SMARCAD1: variants seen among roughly 807,000 people sequenced by gnomAD.
SMARCAD1 encodes SWI/SNF-related matrix-associated actin-dependent regulator of chromatin subfamily A containing DEAD/H box 1.
In SMARCAD1, 25 loss-of-function variants were observed where a neutral mutation model predicts 127.1. The ratio of observed to expected loss-of-function variants is 0.20; its 90% CI spans 0.14 to 0.27. The LOEUF (loss-of-function observed/expected upper bound fraction) is 0.27, where lower values mean the gene tolerates loss of function less well. SMARCAD1 is among the 10% of genes least tolerant of loss of function. SMARCAD1 has a pLI of 1.00. For synonymous variants in SMARCAD1, 400 were observed against 396.9 expected, an observed-to-expected ratio of 1.01 and a Z score of -0.09; for missense variants, 807 against 1,206.0, an observed-to-expected ratio of 0.67 and a Z score of 4.90.
chr4:94,218,037 T>A (rs9999328), intron 2 of SMARCAD1, among the ~76,000 whole-genome samples: 4 of 152,066 alleles, frequency 2.6e-5, no homozygotes, highest in Admixed American at 1.3e-4. Context: ...ATTTTTGTGC[T>A]CTTGCTTTAT....
At chr4:94,268,669 T>C (rs2125968700) in intron 10 of SMARCAD1, among the ~76,000 whole-genome samples, 1 of 152,342 alleles carries the variant, frequency 6.6e-6, no homozygotes, top group Middle Eastern at 3.4e-3. Flanking sequence ...GACACTACCA[T>C]TGCAGATACA....
At chr4:94,210,929 CAAAAA>C (rs747690168) in intron 2 of SMARCAD1, among the ~76,000 whole-genome samples, 6 of 57,048 alleles carry the variant, frequency 1.1e-4, no homozygotes, top group African/African-American at 1.7e-4. Flanking sequence ...GACTGTATCT[CAAAAA>C]AAAAAAAAAA....
At chr4:94,263,402 G>A (rs551308404) in intron 9 of SMARCAD1, among the ~76,000 whole-genome samples, 2 of 152,172 alleles carry the variant, frequency 1.3e-5, no homozygotes, top group South Asian at 4.1e-4. Context: ...AAAGCACAAA[G>A]TAGGGGGAGT....
At chr4:94,271,477 T>G (rs1414097082) in intron 11 of SMARCAD1, among the ~76,000 whole-genome samples, 1 of 152,150 alleles carries the variant, frequency 6.6e-6, no homozygotes, top group Non-Finnish European at 1.5e-5. Context: ...TTAAAATGAG[T>G]CATGTTCAGC....
rs1239293693 is a variant in SMARCAD1, at chr4:94,226,112, C to T, written c.191-7C>T. 6.2e-7 allele frequency: 1 copy of T among 1,605,706 alleles called. No individual in the cohort carries two copies. The highest frequency in any genetic ancestry group is 8.5e-7 in the Non-Finnish European group (1 of 1,173,522). The stretch of plus-strand genomic sequence containing the variant: ...AAAATATTTTTCTCCTTTTTATTCT[C>T]TTGCAGAAGATTCTAGTGTTCCAGA... On this transcript the variant is annotated splice_region_variant and splice_polypyrimidine_tract_variant and intron_variant, in intron 2 of 23. Coordinates refer to ENST00000354268, the MANE Select transcript of SMARCAD1 (RefSeq NM_020159.5).
intron 2 of SMARCAD1, among the ~76,000 whole-genome samples, chr4:94,222,105 G>GTACCCCTCC (rs1425872732): frequency 1.3e-5 from 2 of 152,122 alleles, no homozygotes; most frequent in Non-Finnish European, 2.9e-5. Flanking sequence ...TACGGAGAGG[G>GTACCCCTCC]TACCCCTCCC....
chr4:94,257,847 A>G (rs1750352105), intron 9 of SMARCAD1, among the ~76,000 whole-genome samples: 1 of 152,072 alleles, frequency 6.6e-6, no homozygotes, highest in Admixed American at 6.5e-5. Flanking sequence ...TATCAACTTA[A>G]TATTATAGAC....
chr4:94,221,901 A>G, intron 2 of SMARCAD1, among the ~76,000 whole-genome samples: 1 of 152,204 alleles, frequency 6.6e-6, no homozygotes. Flanking sequence ...ACAAAGAGCA[A>G]TAAATTTGAG....
rs537421520 is a variant in SMARCAD1 at position 94,270,389 on chromosome 4, A to G, written c.1482-339A>G. Among the ~76,000 whole-genome samples, 85 of 152,276 alleles carry G rather than the reference A, an allele frequency of 5.6e-4. 1 individual carries two copies. The highest frequency in any genetic ancestry group is 1.5e-5 in the Non-Finnish European group (1 of 68,006). On this transcript the variant is annotated intron_variant, in intron 10 of 23. Coordinates refer to ENST00000354268, the MANE Select transcript of SMARCAD1 (RefSeq NM_020159.5). ...AATGTGCTAAAAATCAAATCAACAC[A>G]ATTCAATTTTCTATTATAGATACTA... is the stretch of plus-strand genomic sequence containing the variant.
chr4:94,230,230 A>G (rs376546580), intron 3 of SMARCAD1, among the ~76,000 whole-genome samples: 1 of 151,942 alleles, frequency 6.6e-6, no homozygotes, highest in East Asian at 1.9e-4. Context: ...TCCCTTCTCC[A>G]TTCAAACCTT....
chr4:94,241,015 A>G lies in SMARCAD1; in HGVS notation c.705+9A>G, dbSNP rs767562241. 2.5e-6 allele frequency: 4 copies of G among 1,589,218 alleles called. No individual in the cohort carries two copies. The highest frequency in any genetic ancestry group is 3.5e-6 in the Non-Finnish European group (4 of 1,158,718). On this transcript the variant is annotated intron_variant, in intron 6 of 23. Transcript: ENST00000354268. ...AGACAAGACTGGATCATGTAAGTTTACATTTGAATTACAGTATCAAAATTG... is the reference window on the plus strand; with the variant it reads ...AGACAAGACTGGATCATGTAAGTTTGCATTTGAATTACAGTATCAAAATTG...
Position 94,274,722 on chromosome 4 carries a change from C to T in SMARCAD1, c.1673-16C>T. ...CTATTGTAGCAGATGCAAATAATGT[C>T]TCTTCTGTTCCATAGATAACTGGTT... On this transcript the variant is annotated splice_polypyrimidine_tract_variant and intron_variant, in intron 12 of 23. Coordinates refer to ENST00000354268, the MANE Select transcript of SMARCAD1 (RefSeq NM_020159.5). The T allele has an allele frequency of 4.3e-6, 7 of 1,611,670 alleles. No homozygotes were observed. The highest frequency in any genetic ancestry group is 5.9e-6 in the Non-Finnish European group (7 of 1,177,732).
rs1311689894 is a variant in SMARCAD1 at position 94,278,723 on chromosome 4, C to G, written c.2286C>G (p.Ile762Met). 1 of 1,613,540 alleles carries G rather than the reference C, an allele frequency of 6.2e-7. No individual in the cohort carries two copies. Reference protein sequence around the residue: ...LGLFNRLKKSINNLEKNTEMC... With the variant: ...LGLFNRLKKSMNNLEKNTEMC... Reference sequence around the variant, plus strand: ...TTTTCAACAGATTGAAAAAATCTATCAATAACTTGGGTATAATCTGATTTT... The same window carrying G: ...TTTTCAACAGATTGAAAAAATCTATGAATAACTTGGGTATAATCTGATTTT... The change falls in exon 18 of 24, where the codon ATC (isoleucine) becomes ATG (methionine). Residue 762 changes from isoleucine (I) to methionine (M), a missense_variant. Ile to Met is a conservative substitution (Grantham distance 10). Coordinates refer to ENST00000354268, the MANE Select transcript of SMARCAD1 (RefSeq NM_020159.5).
In SMARCAD1 at chr4:94,283,190, T is replaced by C. The variant is rs1173671074; in HGVS notation, c.2796T>C (p.Gly932=). The change falls in exon 22 of 24, where the codon GGT becomes GGC. Residue 932 remains glycine (G), a synonymous_variant. Transcript: ENST00000354268. Reference sequence around the variant, plus strand: ...TGTTTCTGCTATCAACAAAAGCTGGTGGATTAGGAATAAATCTGACTTCAG... The same window carrying C: ...TGTTTCTGCTATCAACAAAAGCTGGCGGATTAGGAATAAATCTGACTTCAG... ...IFVFLLSTKA[G]GLGINLTSAN... The C allele has an allele frequency of 3.1e-5, 50 of 1,613,796 alleles. No individual in the cohort carries two copies. The highest frequency in any genetic ancestry group is 4.2e-5 in the Non-Finnish European group (50 of 1,179,940).
chr4:94,216,599 A>G (rs1743237008), intron 2 of SMARCAD1, among the ~76,000 whole-genome samples: 1 of 152,200 alleles, frequency 6.6e-6, no homozygotes, highest in Non-Finnish European at 1.5e-5. Flanking sequence ...CTCTTTATGC[A>G]TTGAACAACT....
chr4:94,275,030 G>A (rs1380336433), intron 14 of SMARCAD1, 65 bp downstream of exon 14: 1 of 1,100,462 alleles, frequency 9.1e-7, no homozygotes, highest in Non-Finnish European at 1.4e-6. Context: ...AAAAGAAATT[G>A]TAGTAGTACT....
intron 3 of SMARCAD1, among the ~76,000 whole-genome samples, chr4:94,232,180 A>G (rs1466760116): frequency 6.6e-6 from 1 of 152,032 alleles, no homozygotes; most frequent in Admixed American, 6.5e-5. Context: ...CTTTTTCTTC[A>G]TGACATTATT....
chr4:94,276,896 G>A (rs1284842373), intron 15 of SMARCAD1, 126 bp from the exon 16 acceptor site: 1 of 977,920 alleles, frequency 1.0e-6, no homozygotes, highest in African/African-American at 1.6e-5. Flanking sequence ...ATTTATCACA[G>A]AATGTTAAAT....
At chr4:94,238,661 C>T (rs753232771) in intron 5 of SMARCAD1, among the ~76,000 whole-genome samples, 29 of 152,118 alleles carry the variant, frequency 1.9e-4, no homozygotes, top group African/African-American at 6.3e-4. Context: ...AAAAATGATA[C>T]GCTCAGTGAA....
Sources: allele counts gnomAD v4.1 joint callset (sites outside exome capture counted in the v4.1 genomes callset), GRCh38; gene constraint gnomAD v4.1.1; transcripts MANE v1.5; gene names NCBI Gene and HGNC (gene_info 2026-07-23, HGNC 2026-07-21).